SDK1: variants seen among roughly 807,000 people sequenced by gnomAD.
SDK1 encodes sidekick cell adhesion molecule 1.
SDK1 carries 157 observed loss-of-function variants against 245.5 expected under a neutral mutation model. That is an observed-to-expected ratio of 0.64 (90% CI 0.56 to 0.73). SDK1 has a LOEUF of 0.73. SDK1 is among the 30% of genes least tolerant of loss of function. The probability of loss-of-function intolerance (pLI) is 0.00; values close to 1 mark genes in which losing one functional copy is unlikely to be tolerated. For missense variants in SDK1, 3,583 were observed against 3,002.3 expected, an observed-to-expected ratio of 1.19 and a Z score of -4.52; for synonymous variants, 1,647 against 1,278.5, an observed-to-expected ratio of 1.29 and a Z score of -6.15.
intron 22 of SDK1, among the ~76,000 whole-genome samples, chr7:4,096,690 ACCT>A (rs1168820519): frequency 2.0e-5 from 3 of 151,856 alleles, no homozygotes; most frequent in Admixed American, 6.6e-5. Context: ...CAGAGGAAAG[ACCT>A]CCTTCCCCAG....
At chr7:3,575,867 G>C (rs1315360811) in intron 1 of SDK1, among the ~76,000 whole-genome samples, 2 of 151,926 alleles carry the variant, frequency 1.3e-5, no homozygotes, top group African/African-American at 4.8e-5. Flanking sequence ...TTTTATTAAA[G>C]GTGCAAGTTC....
intron 22 of SDK1, among the ~76,000 whole-genome samples, chr7:4,095,537 G>T (rs1034667761): frequency 6.6e-6 from 1 of 152,012 alleles, no homozygotes; most frequent in Admixed American, 6.6e-5. Context: ...TGTTTGTCAA[G>T]TTGCTCCTTT....
At chr7:4,027,601 C>T (rs553479721) in intron 17 of SDK1, among the ~76,000 whole-genome samples, 2 of 152,200 alleles carry the variant, frequency 1.3e-5, no homozygotes, top group Non-Finnish European at 1.5e-5. Context: ...GAGCTCCATG[C>T]TTAGCATGAG....
At position 3,710,854 on chromosome 7, in the gene SDK1, A is replaced by G. The variant is rs190543339; in HGVS notation, c.713+68749A>G. Among the ~76,000 whole-genome samples the G allele has an allele frequency of 5.3e-5, 8 of 152,340 alleles. 3 individuals carry two copies. The highest frequency in any genetic ancestry group is 1.9e-4 in the African/African-American group (8 of 41,586). ...TCTTCAGATTACCTTATTTTATAGT[A>G]TATTGAATGTTGCATCATTAACAAA... On this transcript the variant is annotated intron_variant, in intron 4 of 44. Coordinates refer to ENST00000404826, the MANE Select transcript of SDK1 (RefSeq NM_152744.4).
chr7:3,619,324 G>C (rs1164153143), intron 2 of SDK1, 85 bp downstream of exon 2: 1 of 1,137,184 alleles, frequency 8.8e-7, no homozygotes, highest in African/African-American at 1.5e-5. Flanking sequence ...AGCACAATGA[G>C]TGAAAATATT....
At chr7:3,712,937 G>T (rs921726457) in intron 4 of SDK1, among the ~76,000 whole-genome samples, 2 of 152,222 alleles carry the variant, frequency 1.3e-5, no homozygotes, top group Non-Finnish European at 2.9e-5. Flanking sequence ...ACTGTTCCCT[G>T]AAAGCTTCTG....
At position 3,401,241 on chromosome 7, in the gene SDK1, T is replaced by G. The variant is rs1032273417; in HGVS notation, c.298+99357T>G. Among the ~76,000 whole-genome samples, 3 of 152,114 alleles carry G rather than the reference T, an allele frequency of 2.0e-5. No individual in the cohort carries two copies. The East Asian group carries it at 5.8e-4, about 29-fold the overall frequency. On this transcript the variant is annotated intron_variant, in intron 1 of 44. Transcript: ENST00000404826. ...TTCTAGAATAATCACATGACAAGAT[T>G]TGGGGGAATACACAGAATTCCAATC... is the stretch of plus-strand genomic sequence containing the variant.
intron 1 of SDK1, among the ~76,000 whole-genome samples, chr7:3,323,369 G>A (rs1463429284): frequency 6.6e-6 from 1 of 152,200 alleles, no homozygotes; most frequent in South Asian, 2.1e-4. Context: ...TGCTGGTGCC[G>A]ATTGAATTTC....
chr7:3,433,321 TTGA>T (rs1779922366), intron 1 of SDK1, among the ~76,000 whole-genome samples: 1 of 152,238 alleles, frequency 6.6e-6, no homozygotes, highest in Non-Finnish European at 1.5e-5. Context: ...TGTGTGTTAG[TTGA>T]TATTTGGTTT....
chr7:4,147,275 G>A (rs975745975), intron 29 of SDK1, among the ~76,000 whole-genome samples: 9 of 152,142 alleles, frequency 5.9e-5, no homozygotes, highest in Non-Finnish European at 1.3e-4. Flanking sequence ...GGAATGCCTG[G>A]GCTCAAGCAA....
At position 4,049,397 on chromosome 7, in the gene SDK1, C is replaced by T; in HGVS notation, c.2652C>T (p.Thr884=). ...QNVQTEAVNS[T]TIQFLWNPPP... ...TGCAGACGGAAGCCGTGAACTCCAC[C>T]ACCATTCAGTTCCTGTGGAACCCTC... is the stretch of plus-strand genomic sequence containing the variant. The change falls in exon 18 of 45, where the codon ACC becomes ACT. Residue 884 remains threonine (T), a synonymous_variant. Transcript: ENST00000404826. 1 of 1,614,184 alleles carries T rather than the reference C, an allele frequency of 6.2e-7. No individual in the cohort carries two copies. Among genetic ancestry groups the T allele is most frequent in the African/African-American group, 1.3e-5 (1 of 75,050 alleles).
intron 4 of SDK1, among the ~76,000 whole-genome samples, chr7:3,664,515 G>C (rs958991414): frequency 6.6e-6 from 1 of 152,110 alleles, no homozygotes; most frequent in Non-Finnish European, 1.5e-5. Context: ...GAGGTGGGTG[G>C]ATCACTTGAG....
intron 38 of SDK1, among the ~76,000 whole-genome samples, chr7:4,217,440 A>AACCACGCCACCCGGAGC (rs1784881755): frequency 1.4e-5 from 1 of 71,228 alleles, no homozygotes; most frequent in Non-Finnish European, 2.7e-5. Context: ...CCACTCGGAG[A>AACCACGCCACCCGGAGC]ACCACACCAC....
chr7:4,187,888 A>G (rs1436632495), intron 35 of SDK1, among the ~76,000 whole-genome samples: 2 of 152,224 alleles, frequency 1.3e-5, no homozygotes, highest in Admixed American at 6.5e-5. Flanking sequence ...TGATAAAGAC[A>G]TAGCCAAGAC....
intron 5 of SDK1, among the ~76,000 whole-genome samples, chr7:3,897,046 A>G (rs1410665702): frequency 6.6e-6 from 1 of 152,108 alleles, no homozygotes; most frequent in Non-Finnish European, 1.5e-5. Context: ...CACTTACCAA[A>G]CAACCAGATT....
chr7:4,089,051 C>T (rs1008707837), intron 22 of SDK1, among the ~76,000 whole-genome samples: 1 of 151,220 alleles, frequency 6.6e-6, no homozygotes, highest in African/African-American at 2.4e-5. Context: ...GGAGGTGAGA[C>T]TCTCCCTCAG....
At chr7:3,697,820 C>G (rs1297320683) in intron 4 of SDK1, among the ~76,000 whole-genome samples, 1 of 152,128 alleles carries the variant, frequency 6.6e-6, no homozygotes, top group African/African-American at 2.4e-5. Flanking sequence ...AAGAGAAAGA[C>G]TGTTAAAAGA....
intron 5 of SDK1, among the ~76,000 whole-genome samples, chr7:3,937,007 C>T (rs1361802642): frequency 6.6e-6 from 1 of 152,192 alleles, no homozygotes; most frequent in Non-Finnish European, 1.5e-5. Context: ...GAAAGAGAAG[C>T]CCTGGCTGCC....
chr7:3,964,495 T>G (rs1049347325), intron 9 of SDK1, among the ~76,000 whole-genome samples: 5 of 152,236 alleles, frequency 3.3e-5, no homozygotes, highest in African/African-American at 1.2e-4. Flanking sequence ...TATTTTACTT[T>G]TATTGAACAA....
Sources: allele counts gnomAD v4.1 joint callset (sites outside exome capture counted in the v4.1 genomes callset), GRCh38; gene constraint gnomAD v4.1.1; transcripts MANE v1.5; gene names NCBI Gene and HGNC (gene_info 2026-07-23, HGNC 2026-07-21).